Variants in MMS22L observed in about 807,000 individuals in gnomAD.
MMS22L encodes MMS22 like, DNA repair protein.
A neutral mutation model predicts 159.1 loss-of-function variants in MMS22L; 74 were observed. The observed-to-expected ratio is 0.47, with a 90% confidence interval of 0.39 to 0.56. The LOEUF (loss-of-function observed/expected upper bound fraction) is 0.56. MMS22L is among the 20% of genes least tolerant of loss of function. The probability of loss-of-function intolerance (pLI) is 0.00; values close to 1 mark genes in which losing one functional copy is unlikely to be tolerated. For synonymous variants in MMS22L, 517 were observed against 506.9 expected, an observed-to-expected ratio of 1.02 and a Z score of -0.27; for missense variants, 1,351 against 1,422.1, an observed-to-expected ratio of 0.95 and a Z score of 0.80.
chr6:97,187,092 CA>C (rs200439646), intron 14 of MMS22L, among the ~76,000 whole-genome samples: 3,273 of 152,184 alleles, frequency 0.022, 124 homozygotes, highest in African/African-American at 0.075. Flanking sequence ...AAGGTAAGTA[CA>C]ACTGGCTTAT....
intron 19 of MMS22L, among the ~76,000 whole-genome samples, chr6:97,171,540 C>T (rs1486998183): frequency 6.6e-6 from 1 of 152,108 alleles, no homozygotes; most frequent in Non-Finnish European, 1.5e-5. Context: ...CAAAACAAAA[C>T]AAAATCTACA....
chr6:97,214,692 T>TG (rs913366878), intron 14 of MMS22L, among the ~76,000 whole-genome samples: 28 of 150,100 alleles, frequency 1.9e-4, no homozygotes, highest in Non-Finnish European at 3.1e-4. Context: ...TTTGTTTTTT[T>TG]TTTTTTTTCA....
At chr6:97,174,249 C>CA (rs1161504029) in intron 18 of MMS22L, among the ~76,000 whole-genome samples, 1,274 of 106,784 alleles carry the variant, frequency 0.012, 16 homozygotes, top group African/African-American at 0.039. Context: ...AAGACTGTCT[C>CA]AAAAAAAAAA....
At chr6:97,159,419 G>A (rs1802196087) in intron 22 of MMS22L, among the ~76,000 whole-genome samples, 2 of 151,760 alleles carry the variant, frequency 1.3e-5, no homozygotes. Flanking sequence ...TAAATCCTAT[G>A]CACTATATAG....
intron 11 of MMS22L, among the ~76,000 whole-genome samples, chr6:97,245,135 T>A (rs925428370): frequency 2.0e-5 from 3 of 151,848 alleles, no homozygotes; most frequent in African/African-American, 2.4e-5. Context: ...ATATATATAT[T>A]TATCCATATA....
intron 7 of MMS22L, among the ~76,000 whole-genome samples, chr6:97,269,309 C>T (rs1441176937): frequency 6.6e-6 from 1 of 151,972 alleles, no homozygotes; most frequent in Non-Finnish European, 1.5e-5. Flanking sequence ...ACAGTTAATG[C>T]CTATATATCA....
chr6:97,180,124 C>T (rs1033204365), intron 16 of MMS22L, among the ~76,000 whole-genome samples: 3 of 150,450 alleles, frequency 2.0e-5, no homozygotes, highest in Non-Finnish European at 4.4e-5. Flanking sequence ...TTTTTTGAGA[C>T]GGAGTCTCGC....
intron 6 of MMS22L, chr6:97,271,332 A>C (rs1405990510): frequency 6.6e-6 from 1 of 152,160 alleles, no homozygotes; most frequent in Non-Finnish European, 1.5e-5. Flanking sequence ...AAGCCTATGA[A>C]AGGCAAAACC....
intron 22 of MMS22L, among the ~76,000 whole-genome samples, chr6:97,154,383 A>T (rs1801623643): frequency 6.6e-6 from 1 of 152,048 alleles, no homozygotes; most frequent in African/African-American, 2.4e-5. Context: ...ATTTACAAGT[A>T]TTTTTTCCCA....
intron 14 of MMS22L, among the ~76,000 whole-genome samples, chr6:97,207,740 A>C (rs1391918663): frequency 6.6e-6 from 1 of 152,206 alleles, no homozygotes; most frequent in Non-Finnish European, 1.5e-5. Flanking sequence ...CAACTTGCTG[A>C]AGGAGTACAA....
At position 97,231,502 on chromosome 6, in the gene MMS22L, G is replaced by A. The variant is rs750425765; in HGVS notation, c.1453C>T (p.Leu485Phe). 2 of 1,613,660 alleles carry A rather than the reference G, an allele frequency of 1.2e-6. No individual in the cohort carries two copies. The highest frequency in any genetic ancestry group is 1.7e-6 in the Non-Finnish European group (2 of 1,179,784). ...TTAACAACTTTTGCCAGAATACAAA[G>A]AAAAATAGTATAACTACTGCTGGAT... is the stretch of plus-strand genomic sequence containing the variant. ...YKSSSSYTIF[L>F]CILAKVVKKA... is the part of the protein sequence containing the mutation. The change falls in exon 13 of 25, where the codon CTT becomes TTT. Residue 485 changes from leucine to phenylalanine, a missense_variant. Physicochemically the swap from Leu to Phe is conservative, Grantham distance 22 (BLOSUM62 0). Coordinates refer to ENST00000683635, the MANE Select transcript of MMS22L (RefSeq NM_001350599.2).
chr6:97,162,469 G>GT (rs898067267), intron 21 of MMS22L, among the ~76,000 whole-genome samples: 51 of 148,604 alleles, frequency 3.4e-4, no homozygotes, highest in East Asian at 3.9e-4. Flanking sequence ...TAATTTGCAG[G>GT]TTTTTTTTTT....
chr6:97,164,159 G>C (rs925183372), intron 21 of MMS22L, among the ~76,000 whole-genome samples: 3 of 151,826 alleles, frequency 2.0e-5, no homozygotes, highest in African/African-American at 7.3e-5. Context: ...AATAGGAAAA[G>C]GAGGACAGGA....
intron 22 of MMS22L, among the ~76,000 whole-genome samples, chr6:97,160,523 ACTTCC>A (rs1179897052): frequency 3.9e-5 from 6 of 151,918 alleles, no homozygotes; most frequent in Admixed American, 1.3e-4. Flanking sequence ...TTCTCTGGCT[ACTTCC>A]AAGATTTTCT....
chr6:97,180,046 A>G (rs1804547726), intron 16 of MMS22L, among the ~76,000 whole-genome samples: 1 of 152,196 alleles, frequency 6.6e-6, no homozygotes, highest in South Asian at 2.1e-4. Context: ...ACCATTTGCC[A>G]GATTTAAAAA....
chr6:97,159,946 C>G (rs1008716876), intron 22 of MMS22L, among the ~76,000 whole-genome samples: 1 of 58,502 alleles, frequency 1.7e-5, no homozygotes, highest in Non-Finnish European at 3.1e-5. Context: ...TTTATCATTT[C>G]TGTTTTTTTT....
chr6:97,262,528 C>G lies in MMS22L; in HGVS notation c.942+807G>C, dbSNP rs1582831060. On this transcript the variant is annotated intron_variant, in intron 9 of 24. Transcript: ENST00000683635. ...GCCACGGTGGTGCATGCCTGTAACC[C>G]TAGCTACTCAGGATGCTAAGGCACG... Among the ~76,000 whole-genome samples the G allele has an allele frequency of 2.6e-5, 4 of 151,850 alleles. No individual in the cohort carries two copies. The South Asian group carries it at 8.3e-4, about 32-fold the overall frequency.
At chr6:97,234,820 G>A (rs149668198) in intron 11 of MMS22L, among the ~76,000 whole-genome samples, 76 of 152,254 alleles carry the variant, frequency 5.0e-4, no homozygotes, top group African/African-American at 1.8e-3. Context: ...CCTTTTGAAG[G>A]GCTGCAATTG....
At chr6:97,263,286 C>A in intron 9 of MMS22L, 49 bp downstream of exon 9, 1 of 1,113,446 alleles carries the variant, frequency 9.0e-7, no homozygotes. Context: ...TGGATTAAAT[C>A]AATATAAAGG....
Sources: allele counts gnomAD v4.1 joint callset (sites outside exome capture counted in the v4.1 genomes callset), GRCh38; gene constraint gnomAD v4.1.1; transcripts MANE v1.5; gene names NCBI Gene and HGNC (gene_info 2026-07-23, HGNC 2026-07-21).